The following CSMD3 variants were observed in gnomAD, a reference collection of about 807,000 sequenced individuals.
CSMD3 encodes CUB and sushi domain-containing protein 3.
Under a neutral mutation model 435.2 loss-of-function variants are expected in CSMD3, and 177 were observed. The observed-to-expected ratio is 0.41, with a 90% CI of 0.36 to 0.46. The LOEUF is 0.46. Ranked by LOEUF, CSMD3 falls within the 20% of genes least tolerant of loss-of-function variation. The pLI is 0.34. For synonymous variants in CSMD3, 1,656 were observed against 1,520.5 expected (o/e 1.09, Z -2.07); for missense variants, 4,265 against 4,504.6 (o/e 0.95, Z 1.52).
chr8:112,455,824 TG>T, intron 32 of CSMD3, among the ~76,000 whole-genome samples: 1 of 151,914 alleles, frequency 6.6e-6, no homozygotes, highest in South Asian at 2.1e-4. Context: ...AACTGTCTCA[TG>T]GCAATTCCTC....
intron 4 of CSMD3, among the ~76,000 whole-genome samples, chr8:113,149,390 C>A (rs1027950403): frequency 1.3e-5 from 2 of 151,628 alleles, no homozygotes; most frequent in Non-Finnish European, 1.5e-5. Flanking sequence ...ATATACTATG[C>A]AATCACTTAT....
chr8:113,320,236 A>C (rs1362226071), intron 1 of CSMD3, among the ~76,000 whole-genome samples: 2 of 152,070 alleles, frequency 1.3e-5, no homozygotes, highest in Non-Finnish European at 2.9e-5. Flanking sequence ...TACAATTTCT[A>C]AATGCCTTAT....
At chr8:113,171,524 G>T (rs548172057) in intron 4 of CSMD3, among the ~76,000 whole-genome samples, 1 of 85,370 alleles carries the variant, frequency 1.2e-5, no homozygotes, top group Admixed American at 1.4e-4. Context: ...ATATGTCTCT[G>T]ATTTAGGGAG....
intron 32 of CSMD3, among the ~76,000 whole-genome samples, chr8:112,455,591 G>GTAAATAAA (rs71309770): frequency 7.5e-4 from 112 of 149,620 alleles, no homozygotes; most frequent in South Asian, 3.2e-3. Context: ...AAATAAGTAA[G>GTAAATAAA]TAAATAAATA....
At chr8:112,380,991 T>C (rs1183959695) in intron 37 of CSMD3, among the ~76,000 whole-genome samples, 1 of 152,136 alleles carries the variant, frequency 6.6e-6, no homozygotes, top group African/African-American at 2.4e-5. Context: ...TGTACCAGAT[T>C]GGTGAACTAA....
chr8:112,628,384 T>C (rs988553764), intron 22 of CSMD3, among the ~76,000 whole-genome samples: 7 of 127,280 alleles, frequency 5.5e-5, no homozygotes, highest in African/African-American at 2.2e-4. Context: ...GCATCTTAAT[T>C]ACTTGGTTGG....
In CSMD3 at chr8:113,297,214, A is replaced by T. The variant is rs79420504; in HGVS notation, c.401+17357T>A. 3.9e-4 allele frequency among the ~76,000 whole-genome samples: 59 copies of T among 152,230 alleles called. 1 individual carries two copies. In the East Asian group the frequency reaches 0.011, roughly 28 times the overall value. ...ATTAGGTGCTAGAAATATAGATAAG[A>T]TACTCTATTAGGTCTCAATACCTAT... On this transcript the variant is annotated intron_variant, in intron 2 of 70. Transcript: ENST00000297405.
At chr8:112,486,965 G>C (rs1014399250) in intron 31 of CSMD3, among the ~76,000 whole-genome samples, 2 of 152,032 alleles carry the variant, frequency 1.3e-5, no homozygotes, top group Non-Finnish European at 2.9e-5. Flanking sequence ...CTTTTCTTTG[G>C]AATAATTGGT....
chr8:112,795,744 G>C (rs1216307941), intron 13 of CSMD3, among the ~76,000 whole-genome samples: 1 of 152,072 alleles, frequency 6.6e-6, no homozygotes, highest in Non-Finnish European at 1.5e-5. Flanking sequence ...GTTTGTTTAA[G>C]CCACAATTAG....
intron 16 of CSMD3, among the ~76,000 whole-genome samples, chr8:112,681,717 A>G (rs573357129): frequency 6.6e-6 from 1 of 152,084 alleles, no homozygotes; most frequent in Non-Finnish European, 1.5e-5. Context: ...AATACAAAAA[A>G]TTAGCTGGGC....
chr8:113,240,660 T>G (rs1051109181), intron 3 of CSMD3, among the ~76,000 whole-genome samples: 23 of 152,174 alleles, frequency 1.5e-4, no homozygotes, highest in Non-Finnish European at 3.2e-4. Context: ...GTTGTATTAT[T>G]AAACCAAATT....
chr8:113,117,738 C>G (rs978684342), intron 4 of CSMD3, among the ~76,000 whole-genome samples: 1 of 152,200 alleles, frequency 6.6e-6, no homozygotes, highest in African/African-American at 2.4e-5. Context: ...TGGGAGCCCA[C>G]CTCTTGCATC....
At chr8:112,910,147 A>T (rs2082367934) in intron 10 of CSMD3, among the ~76,000 whole-genome samples, 1 of 151,734 alleles carries the variant, frequency 6.6e-6, no homozygotes, top group South Asian at 2.1e-4. Context: ...TCCTCCAGAG[A>T]CTTTGATTTA....
chr8:113,228,744 G>A (rs567172822), intron 3 of CSMD3, among the ~76,000 whole-genome samples: 1 of 151,440 alleles, frequency 6.6e-6, no homozygotes, highest in East Asian at 2.0e-4. Flanking sequence ...AGGAACCCCT[G>A]CTAAGTATTT....
chr8:113,274,329 G>A (rs1421468170), intron 3 of CSMD3, among the ~76,000 whole-genome samples: 1 of 152,020 alleles, frequency 6.6e-6, no homozygotes, highest in Non-Finnish European at 1.5e-5. Context: ...CTGCACTCTA[G>A]TATGAAAGTA....
chr8:112,741,816 G>C (rs551166197), intron 13 of CSMD3, among the ~76,000 whole-genome samples: 22 of 151,808 alleles, frequency 1.4e-4, no homozygotes, highest in Non-Finnish European at 2.5e-4. Flanking sequence ...TAGATAGATA[G>C]ATAGATAGAT....
At chr8:112,613,681 T>G (rs1178738451) in intron 22 of CSMD3, among the ~76,000 whole-genome samples, 1 of 152,122 alleles carries the variant, frequency 6.6e-6, no homozygotes, top group Non-Finnish European at 1.5e-5. Context: ...TCACAAATAT[T>G]TGTTGAGCAT....
rs772102757 is a variant in CSMD3, at chr8:113,098,920, G to T, written c.753C>A (p.Ile251=). The T allele has an allele frequency of 3.7e-6, 6 of 1,612,174 alleles. No homozygotes were observed. The Middle Eastern group carries it at 4.9e-4, about 133-fold the overall frequency. ...CATTAGGAAAACTAGGGCTGGATAT[G>T]ATGCCACTGGATCCTCTCATTGTTC... is the stretch of plus-strand genomic sequence containing the variant. The part of the protein sequence containing the change: ...CGGTMRGSSG[I]ISSPSFPNEY... The change falls in exon 5 of 71, where the codon ATC becomes ATA. Residue 251 remains isoleucine (I), a synonymous_variant. Transcript: ENST00000297405.
intron 61 of CSMD3, among the ~76,000 whole-genome samples, chr8:112,258,976 T>A (rs1338286190): frequency 6.6e-6 from 1 of 151,998 alleles, no homozygotes; most frequent in Non-Finnish European, 1.5e-5. Flanking sequence ...GAGGCGGAGC[T>A]TGCAGTGAGC....
Sources: allele counts gnomAD v4.1 joint callset (sites outside exome capture counted in the v4.1 genomes callset), GRCh38; gene constraint gnomAD v4.1.1; transcripts MANE v1.5; gene names NCBI Gene and HGNC (gene_info 2026-07-23, HGNC 2026-07-21).